The following OR10P1 variants were observed in gnomAD, a reference collection of about 807,000 sequenced individuals.
The protein encoded by OR10P1 is olfactory receptor family 10 subfamily P member 1.
For missense variants in OR10P1, 424 were observed against 408.3 expected, an observed-to-expected ratio of 1.04 and a Z score of -0.33; for synonymous variants, 181 against 171.1, an observed-to-expected ratio of 1.06 and a Z score of -0.45.
In OR10P1 at chr12:55,637,110, C is replaced by T. The variant is rs779994290; in HGVS notation, c.219C>T (p.Tyr73=). 22 of 1,613,958 alleles carry T rather than the reference C, an allele frequency of 1.4e-5. No homozygotes were observed. The highest frequency in any genetic ancestry group is 3.3e-5 in the Admixed American group (2 of 60,010). Residue 73 remains tyrosine (Y), a synonymous_variant, in exon 1 of 1, where the codon TAC becomes TAT. Coordinates refer to ENST00000309675, the MANE Select transcript of OR10P1 (RefSeq NM_206899.1). The stretch of plus-strand genomic sequence containing the variant: ...AACTCTCAGTGGTGGAGCTCTTCTA[C>T]ACCACTGACATCGTGCCCAGGACCC... The part of the protein sequence containing the change: ...LRQLSVVELF[Y]TTDIVPRTLA...
Position 55,637,065 on chromosome 12 carries a change from C to G in OR10P1, c.174C>G (p.Pro58=). 1 of 1,614,094 alleles carries G rather than the reference C, an allele frequency of 6.2e-7. No individual in the cohort carries two copies. Among genetic ancestry groups the G allele is most frequent in the Non-Finnish European group, 8.5e-7 (1 of 1,180,004 alleles). ...LTQVSPALHS[P]MYFFLRQLSV... ...AGGTCAGCCCTGCCCTGCACTCCCCCATGTACTTCTTCCTGCGCCAACTCT... is the reference window on the plus strand; with the variant it reads ...AGGTCAGCCCTGCCCTGCACTCCCCGATGTACTTCTTCCTGCGCCAACTCT... The change falls in exon 1 of 1, where the codon CCC becomes CCG. Residue 58 remains proline (P), a synonymous_variant. Transcript: ENST00000309675.
Position 55,637,754 on chromosome 12 carries a change from C to T in OR10P1, c.863C>T (p.Pro288Leu). 6.2e-7 allele frequency: 1 copy of T among 1,613,608 alleles called. No individual in the cohort carries two copies. The change falls in exon 1 of 1, where the codon CCC becomes CTC. Residue 288 changes from proline to leucine, a missense_variant. Coordinates refer to ENST00000309675, the MANE Select transcript of OR10P1 (RefSeq NM_206899.1). ...FYTVITPMLN[P>L]IIYTLRNKDV... is the part of the protein sequence containing the mutation. ...ACAGTCATCACACCCATGCTCAACC[C>T]CATCATCTACACCCTTCGGAACAAG...
chr12:55,637,528 T>C lies in OR10P1; in HGVS notation c.637T>C (p.Ser213Pro). Residue 213 changes from serine to proline, a missense_variant, in exon 1 of 1, where the codon TCT becomes CCT. Coordinates refer to ENST00000309675, the MANE Select transcript of OR10P1 (RefSeq NM_206899.1). ...CATAGTCTTCATTATGATCCCCTTC[T>C]CTCTGATTGTCACCTCTTACATCCG... ...ATIVFIMIPF[S>P]LIVTSYIRIL... 6.2e-7 allele frequency: 1 copy of C among 1,614,072 alleles called. No homozygotes were observed. The highest frequency in any genetic ancestry group is 8.5e-7 in the Non-Finnish European group (1 of 1,180,006).
chr12:55,637,489 G>A lies in OR10P1; in HGVS notation c.598G>A (p.Val200Met), dbSNP rs7970885. The A allele has an allele frequency of 0.42, 685,104 of 1,613,462 alleles. 151,168 individuals carry two copies. Among genetic ancestry groups the A allele is most frequent in the Non-Finnish European group, 0.46 (543,514 of 1,179,720 alleles). The change falls in exon 1 of 1, where the codon GTG becomes ATG. Residue 200 changes from valine to methionine, a missense_variant. Val to Met is a conservative substitution (Grantham distance 21). Transcript: ENST00000309675. ...TGGGAAGCACAGGAGCGAGATCTCC[G>A]TGATGACAGCCACCATAGTCTTCAT... ...SAGKHRSEIS[V>M]MTATIVFIMI...
rs562248481 is a variant in OR10P1, at chr12:55,637,613, C to T, written c.722C>T (p.Thr241Ile). ...CAGAGCCGCCGCAAGGTCTTCTCCA[C>T]CTGCTCCTCCCATCTGCTCGTGGTC... ...STQSRRKVFS[T>I]CSSHLLVVSL... Residue 241 changes from threonine (T) to isoleucine (I), a missense_variant, in exon 1 of 1, where the codon ACC becomes ATC. Thr to Ile is a moderately conservative substitution (Grantham distance 89, BLOSUM62 -1). Transcript: ENST00000309675. The T allele has an allele frequency of 3.1e-6, 5 of 1,614,194 alleles. No individual in the cohort carries two copies. In the Admixed American group the frequency reaches 6.7e-5, roughly 22 times the overall value.
Position 55,637,652 on chromosome 12 carries a change from G to C in OR10P1, c.761G>C (p.Gly254Ala). ...CTGCTCGTGGTCTCTCTCTTCTTTG[G>C]AACAGCCAGCATCACCTACATCCGG... Reference protein sequence around the residue: ...SHLLVVSLFFGTASITYIRPQ... With the variant: ...SHLLVVSLFFATASITYIRPQ... Residue 254 changes from glycine to alanine, a missense_variant, in exon 1 of 1, where the codon GGA becomes GCA. Gly to Ala is a moderately conservative substitution (Grantham distance 60). Transcript: ENST00000309675. 6.2e-7 allele frequency: 1 copy of C among 1,614,078 alleles called. No individual in the cohort carries two copies. Among genetic ancestry groups the C allele is most frequent in the Non-Finnish European group, 8.5e-7 (1 of 1,180,016 alleles).
In OR10P1 at chr12:55,637,435, A is replaced by T; in HGVS notation, c.544A>T (p.Ile182Phe). 6.2e-7 allele frequency: 1 copy of T among 1,613,826 alleles called. No individual in the cohort carries two copies. The highest frequency in any genetic ancestry group is 8.5e-7 in the Non-Finnish European group (1 of 1,180,006). Reference protein sequence around the residue: ...HPIIPHFLCDILPVLRLASAG... With the variant: ...HPIIPHFLCDFLPVLRLASAG... ...GATCATCCCGCACTTTCTCTGTGAC[A>T]TCCTGCCAGTACTGAGGCTGGCAAG... Residue 182 changes from isoleucine to phenylalanine, a missense_variant, in exon 1 of 1, where the codon ATC (isoleucine) becomes TTC (phenylalanine). Ile to Phe is a conservative substitution (Grantham distance 21). Coordinates refer to ENST00000309675, the MANE Select transcript of OR10P1 (RefSeq NM_206899.1).
At position 55,637,040 on chromosome 12, in the gene OR10P1, A is replaced by T; in HGVS notation, c.149A>T (p.Gln50Leu). ...AACTCCCTGATCATCCTCCTCACAC[A>T]GGTCAGCCCTGCCCTGCACTCCCCC... is the stretch of plus-strand genomic sequence containing the variant. Reference protein sequence around the residue: ...LGNSLIILLTQVSPALHSPMY... With the variant: ...LGNSLIILLTLVSPALHSPMY... Residue 50 changes from glutamine to leucine, a missense_variant, in exon 1 of 1, where the codon CAG (glutamine) becomes CTG (leucine). By Grantham distance (113) the Gln-to-Leu change is moderately radical. Coordinates refer to ENST00000309675, the MANE Select transcript of OR10P1 (RefSeq NM_206899.1). The T allele has an allele frequency of 6.2e-7, 1 of 1,613,732 alleles. No individual in the cohort carries two copies. Among genetic ancestry groups the T allele is most frequent in the South Asian group, 1.1e-5 (1 of 91,040 alleles).
At position 55,637,329 on chromosome 12, in the gene OR10P1, G is replaced by C; in HGVS notation, c.438G>C (p.Val146=). ...LLSPRACMAM[V]GTSWLTGIIT... The stretch of plus-strand genomic sequence containing the variant: ...GCCCACGGGCCTGCATGGCCATGGT[G>C]GGTACCTCCTGGCTCACAGGCATCA... The change falls in exon 1 of 1, where the codon GTG becomes GTC. Residue 146 remains valine, a synonymous_variant. Transcript: ENST00000309675. 1 of 1,613,654 alleles carries C rather than the reference G, an allele frequency of 6.2e-7. No homozygotes were observed. The highest frequency in any genetic ancestry group is 8.5e-7 in the Non-Finnish European group (1 of 1,179,926).
At position 55,637,559 on chromosome 12, in the gene OR10P1, T is replaced by A. The variant is rs1273580012; in HGVS notation, c.668T>A (p.Leu223Gln). 3 of 1,614,026 alleles carry A rather than the reference T, an allele frequency of 1.9e-6. No individual in the cohort carries two copies. In the African/African-American group the frequency reaches 4.0e-5, roughly 22 times the overall value. The change falls in exon 1 of 1, where the codon CTG becomes CAG. Residue 223 changes from leucine (L) to glutamine (Q), a missense_variant. By Grantham distance (113) the Leu-to-Gln change is moderately radical. Transcript: ENST00000309675. ...SLIVTSYIRI[L>Q]GAILAMASTQ... ...ATTGTCACCTCTTACATCCGCATCC[T>A]GGGTGCCATCCTAGCAATGGCCTCC...
At position 55,637,575 on chromosome 12, in the gene OR10P1, A is replaced by C; in HGVS notation, c.684A>C (p.Ala228=). The change falls in exon 1 of 1, where the codon GCA becomes GCC. Residue 228 remains alanine, a synonymous_variant. Transcript: ENST00000309675. ...TCCGCATCCTGGGTGCCATCCTAGC[A>C]ATGGCCTCCACCCAGAGCCGCCGCA... ...SYIRILGAIL[A]MASTQSRRKV... is the part of the protein sequence containing the mutation. 6.2e-7 allele frequency: 1 copy of C among 1,613,980 alleles called. No individual in the cohort carries two copies. Among genetic ancestry groups the C allele is most frequent in the South Asian group, 1.1e-5 (1 of 91,086 alleles).
Position 55,637,367 on chromosome 12 carries a change from C to A in OR10P1, c.476C>A (p.Thr159Asn), listed in dbSNP as rs201233340. 1.2e-6 allele frequency: 2 copies of A among 1,613,150 alleles called. No homozygotes were observed. Among genetic ancestry groups the A allele is most frequent in the Non-Finnish European group, 1.7e-6 (2 of 1,180,028 alleles). Residue 159 changes from threonine (T) to asparagine (N), a missense_variant, in exon 1 of 1, where the codon ACC becomes AAC. Coordinates refer to ENST00000309675, the MANE Select transcript of OR10P1 (RefSeq NM_206899.1). ...SWLTGIITAT[T>N]HASLIFSLPF... ...CTCACAGGCATCATCACGGCCACCA[C>A]CCATGCCTCCCTCATCTTCTCTCTA... is the stretch of plus-strand genomic sequence containing the variant.
rs1312770652 is a variant in OR10P1, at chr12:55,637,147, G to C, written c.256G>C (p.Gly86Arg). 1 of 1,614,044 alleles carries C rather than the reference G, an allele frequency of 6.2e-7. No homozygotes were observed. Among genetic ancestry groups the C allele is most frequent in the Non-Finnish European group, 8.5e-7 (1 of 1,179,962 alleles). Residue 86 changes from glycine (G) to arginine (R), a missense_variant, in exon 1 of 1, where the codon GGC becomes CGC. Physicochemically the swap from Gly to Arg is moderately radical, Grantham distance 125. Coordinates refer to ENST00000309675, the MANE Select transcript of OR10P1 (RefSeq NM_206899.1). ...DIVPRTLANLGSPHPQAISFQ... is the reference protein window; with the variant it reads ...DIVPRTLANLRSPHPQAISFQ... ...CGTGCCCAGGACCCTGGCCAATCTG[G>C]GCTCCCCGCATCCCCAGGCCATCTC...
Position 55,637,498 on chromosome 12 carries a change from G to A in OR10P1, c.607G>A (p.Ala203Thr). Reference protein sequence around the residue: ...KHRSEISVMTATIVFIMIPFS... With the variant: ...KHRSEISVMTTTIVFIMIPFS... ...CAGGAGCGAGATCTCCGTGATGACA[G>A]CCACCATAGTCTTCATTATGATCCC... The change falls in exon 1 of 1, where the codon GCC becomes ACC. Residue 203 changes from alanine to threonine, a missense_variant. Physicochemically the swap from Ala to Thr is moderately conservative, Grantham distance 58 (BLOSUM62 0). Coordinates refer to ENST00000309675, the MANE Select transcript of OR10P1 (RefSeq NM_206899.1). 2 of 1,613,944 alleles carry A rather than the reference G, an allele frequency of 1.2e-6. No homozygotes were observed. The highest frequency in any genetic ancestry group is 1.3e-5 in the African/African-American group (1 of 75,022).
rs372681591 is a variant in OR10P1 at position 55,637,228 on chromosome 12, T to C, written c.337T>C (p.Cys113Arg). ...YVFIVLGISE[C>R]CLLTAMAYDR... ...CTTCATTGTCCTGGGCATCTCGGAG[T>C]GCTGCCTGCTCACGGCCATGGCCTA... Residue 113 changes from cysteine (C) to arginine (R), a missense_variant, in exon 1 of 1, where the codon TGC (cysteine) becomes CGC (arginine). By Grantham distance (180) the Cys-to-Arg change is radical (BLOSUM62 -3). Transcript: ENST00000309675. 88 of 1,613,964 alleles carry C rather than the reference T, an allele frequency of 5.5e-5. No homozygotes were observed. In the African/African-American group the frequency reaches 1.1e-3, roughly 20 times the overall value.
Position 55,636,948 on chromosome 12 carries a change from C to T in OR10P1, c.57C>T (p.Asp19=). 6.2e-7 allele frequency: 1 copy of T among 1,613,892 alleles called. No homozygotes were observed. Among genetic ancestry groups the T allele is most frequent in the Non-Finnish European group, 8.5e-7 (1 of 1,179,850 alleles). ...AATTCCTCCTTCTGGGATTCTCTGACCTCAAGGCCCTGCAGGGCCCCCTGT... is the reference window on the plus strand; with the variant it reads ...AATTCCTCCTTCTGGGATTCTCTGATCTCAAGGCCCTGCAGGGCCCCCTGT... ...LPEFLLLGFS[D]LKALQGPLFW... is the part of the protein sequence containing the mutation. The change falls in exon 1 of 1, where the codon GAC becomes GAT. Residue 19 remains aspartate, a synonymous_variant. Transcript: ENST00000309675.
rs779240126 is a variant in OR10P1 at position 55,637,418 on chromosome 12, C to G, written c.527C>G (p.Pro176Arg). 1 of 1,613,690 alleles carries G rather than the reference C, an allele frequency of 6.2e-7. No homozygotes were observed. Among genetic ancestry groups the G allele is most frequent in the Non-Finnish European group, 8.5e-7 (1 of 1,180,032 alleles). The change falls in exon 1 of 1, where the codon CCG (proline) becomes CGG (arginine). Residue 176 changes from proline to arginine, a missense_variant. Pro to Arg is a moderately radical substitution (Grantham distance 103, BLOSUM62 -2). Coordinates refer to ENST00000309675, the MANE Select transcript of OR10P1 (RefSeq NM_206899.1). ...SLPFRSHPII[P>R]HFLCDILPVL... ...CCTTTTCGCAGCCACCCGATCATCC[C>G]GCACTTTCTCTGTGACATCCTGCCA...
In OR10P1 at chr12:55,637,368, C is replaced by A; in HGVS notation, c.477C>A (p.Thr159=). Residue 159 remains threonine, a synonymous_variant, in exon 1 of 1, where the codon ACC becomes ACA. Transcript: ENST00000309675. ...SWLTGIITAT[T]HASLIFSLPF... ...TCACAGGCATCATCACGGCCACCAC[C>A]CATGCCTCCCTCATCTTCTCTCTAC... 6.2e-7 allele frequency: 1 copy of A among 1,613,154 alleles called. No homozygotes were observed. Among genetic ancestry groups the A allele is most frequent in the Middle Eastern group, 1.6e-4 (1 of 6,062 alleles).
At position 55,637,183 on chromosome 12, in the gene OR10P1, T is replaced by C. The variant is rs1342936233; in HGVS notation, c.292T>C (p.Cys98Arg). ...PHPQAISFQG[C>R]AAQMYVFIVL... Reference sequence around the variant, plus strand: ...TCCCCAGGCCATCTCTTTCCAGGGCTGTGCAGCCCAGATGTACGTCTTCAT... The same window carrying C: ...TCCCCAGGCCATCTCTTTCCAGGGCCGTGCAGCCCAGATGTACGTCTTCAT... The change falls in exon 1 of 1, where the codon TGT becomes CGT. Residue 98 changes from cysteine (C) to arginine (R), a missense_variant. Coordinates refer to ENST00000309675, the MANE Select transcript of OR10P1 (RefSeq NM_206899.1). 3.1e-6 allele frequency: 5 copies of C among 1,614,184 alleles called. No homozygotes were observed. Among genetic ancestry groups the C allele is most frequent in the Non-Finnish European group, 4.2e-6 (5 of 1,180,020 alleles).
Sources: allele counts gnomAD v4.1 joint callset, GRCh38; gene constraint gnomAD v4.1.1; transcripts MANE v1.5; gene names NCBI Gene and HGNC (gene_info 2026-07-23, HGNC 2026-07-21).